The following EPS15 variants were observed in gnomAD, a reference collection of about 807,000 sequenced individuals.
The protein encoded by EPS15 is epidermal growth factor receptor substrate 15.
A neutral mutation model predicts 113.8 loss-of-function variants in EPS15; 72 were observed. The ratio of observed to expected loss-of-function variants is 0.63; its 90% CI spans 0.52 to 0.77. EPS15 has a LOEUF of 0.77. Among genes scored for constraint, EPS15 ranks in the 30% least tolerant of loss-of-function variants. The pLI, the probability that EPS15 is intolerant of heterozygous loss-of-function variation, is 0.00. For missense variants in EPS15, 1,048 were observed against 1,045.8 expected (o/e 1.00, Z -0.03); for synonymous variants, 344 against 363.4 (o/e 0.95, Z 0.61).
chr1:51,373,583 G>C (rs1209760586), intron 21 of EPS15, among the ~76,000 whole-genome samples: 1 of 152,208 alleles, frequency 6.6e-6, no homozygotes, highest in Non-Finnish European at 1.5e-5. Flanking sequence ...CGAATTTCAT[G>C]TGTTCTCTGC....
At chr1:51,446,869 T>C in intron 10 of EPS15, 91 bp downstream of exon 10, 1 of 1,063,188 alleles carries the variant, frequency 9.4e-7, no homozygotes, top group Non-Finnish European at 1.4e-6. Context: ...ACAAAAACTG[T>C]CCTATTTACA....
intron 24 of EPS15, among the ~76,000 whole-genome samples, chr1:51,360,008 T>G (rs2148342133): frequency 6.6e-6 from 1 of 152,084 alleles, no homozygotes; most frequent in East Asian, 1.9e-4. Flanking sequence ...GCCCCCCAAG[T>G]AGCTGGGACT....
At position 51,440,338 on chromosome 1, in the gene EPS15, T is replaced by G; in HGVS notation, c.1040+9A>C. 1 of 1,439,636 alleles carries G rather than the reference T, an allele frequency of 6.9e-7. No individual in the cohort carries two copies. The highest frequency in any genetic ancestry group is 9.6e-7 in the Non-Finnish European group (1 of 1,037,088). The allele number at this position is 1,439,636 out of a possible 1,614,324, so 89.2% of individuals were successfully genotyped here. On this transcript the variant is annotated intron_variant, in intron 12 of 24. Transcript: ENST00000371733. The stretch of plus-strand genomic sequence containing the variant: ...GTATGTGAGTAGGCTGTAATTTTGC[T>G]TTACATACCTCTGTAGGTCAACTAT...
chr1:51,399,724 TG>T (rs1214975553), intron 19 of EPS15, among the ~76,000 whole-genome samples: 7 of 152,026 alleles, frequency 4.6e-5, no homozygotes, highest in Admixed American at 3.3e-4. Context: ...CCAGGCGTGG[TG>T]GTGCGCGCCC....
chr1:51,436,371 TAAA>T (rs1652151883), intron 12 of EPS15, among the ~76,000 whole-genome samples: 1 of 151,810 alleles, frequency 6.6e-6, no homozygotes, highest in Non-Finnish European at 1.5e-5. Flanking sequence ...ATGATCCAGA[TAAA>T]AGACAAAGGC....
At position 51,361,219 on chromosome 1, in the gene EPS15, G is replaced by A. The variant is rs538305506; in HGVS notation, c.2496C>T (p.Thr832=). 6.2e-6 allele frequency: 10 copies of A among 1,613,972 alleles called. No individual in the cohort carries two copies. In the African/African-American group the frequency reaches 1.2e-4, roughly 19 times the overall value. ...TTGGATCAGCCTCTTTATTGGTAGT[G>A]GTAGTAGCAGAAGTGAATGGATCAC... The part of the protein sequence containing the change: ...IFCDPFTSAT[T]TTNKEADPSN... Residue 832 remains threonine (T), a synonymous_variant, in exon 24 of 25, where the codon ACC becomes ACT. Transcript: ENST00000371733.
intron 21 of EPS15, among the ~76,000 whole-genome samples, chr1:51,391,117 T>C (rs557284253): frequency 8.5e-5 from 13 of 152,296 alleles, no homozygotes; most frequent in African/African-American, 3.1e-4. Context: ...ATATACACCA[T>C]GGAATACTAT....
At chr1:51,397,723 A>T (rs1004472458) in intron 20 of EPS15, among the ~76,000 whole-genome samples, 5 of 152,260 alleles carry the variant, frequency 3.3e-5, no homozygotes, top group Middle Eastern at 3.2e-3. Flanking sequence ...GAATACAAAA[A>T]AGAAGCAACT....
chr1:51,447,181 A>G, intron 9 of EPS15, 76 bp from the exon 10 acceptor site: 2 of 1,297,352 alleles, frequency 1.5e-6, no homozygotes, highest in Non-Finnish European at 2.1e-6. Context: ...AATCCATTAC[A>G]ATATCCATCA....
chr1:51,372,771 G>A, intron 21 of EPS15: 1 of 419,016 alleles, frequency 2.4e-6, no homozygotes, highest in Non-Finnish European at 4.5e-6. Flanking sequence ...GGCAGCTGGA[G>A]CTGAACACTT....
intron 1 of EPS15, among the ~76,000 whole-genome samples, chr1:51,488,846 A>T (rs1429073480): frequency 6.6e-6 from 1 of 152,212 alleles, no homozygotes; most frequent in Non-Finnish European, 1.5e-5. Flanking sequence ...CAATGGAATG[A>T]TAAAAGAAAT....
chr1:51,477,396 A>G (rs1301973972), intron 2 of EPS15, among the ~76,000 whole-genome samples: 1 of 152,078 alleles, frequency 6.6e-6, no homozygotes, highest in Non-Finnish European at 1.5e-5. Flanking sequence ...GATCTTTTCA[A>G]AAAACCAGCT....
In EPS15 at chr1:51,355,335, A is replaced by T. The variant is rs1646196165; in HGVS notation, c.*1365T>A. On this transcript the variant is annotated 3_prime_UTR_variant, in exon 25 of 25. Transcript: ENST00000371733. ...TTGACTTGTTGACCCAGAGAATTCT[A>T]ATTAGATTTTAGGTGCATTTTTCTT... is the stretch of plus-strand genomic sequence containing the variant. 4.7e-6 allele frequency: 1 copy of T among 213,350 alleles called. No homozygotes were observed. The highest frequency in any genetic ancestry group is 7.0e-5 in the East Asian group (1 of 14,192). The allele number at this position is 213,350 out of a possible 1,614,324, so 13.2% of individuals were successfully genotyped here.
At chr1:51,439,418 T>G (rs1392425717) in intron 12 of EPS15, among the ~76,000 whole-genome samples, 1 of 152,044 alleles carries the variant, frequency 6.6e-6, no homozygotes, top group African/African-American at 2.4e-5. Context: ...TCTCCTTATA[T>G]CTCAATACTG....
intron 1 of EPS15, among the ~76,000 whole-genome samples, chr1:51,502,751 TCA>T (rs1644434444): frequency 2.6e-5 from 4 of 152,266 alleles, no homozygotes; most frequent in African/African-American, 9.6e-5. Flanking sequence ...ACGCCTGTAA[TCA>T]CAGCACTTTG....
intron 13 of EPS15, among the ~76,000 whole-genome samples, chr1:51,414,745 G>C (rs1253078279): frequency 2.0e-5 from 3 of 151,798 alleles, no homozygotes; most frequent in East Asian, 1.9e-4. Context: ...TGTAAATCCA[G>C]GGACAAAAAA....
intron 1 of EPS15, among the ~76,000 whole-genome samples, chr1:51,483,878 T>C (rs55868733): frequency 0.031 from 4,744 of 151,812 alleles, 85 homozygotes; most frequent in African/African-American, 0.054. Flanking sequence ...TGGGAAGCTA[T>C]TGGGGGAGGA....
chr1:51,435,262 C>T (rs939829382), intron 12 of EPS15, among the ~76,000 whole-genome samples: 10 of 151,954 alleles, frequency 6.6e-5, no homozygotes, highest in Non-Finnish European at 1.2e-4. Flanking sequence ...TGAGTGATCT[C>T]GGCTCACTGC....
intron 8 of EPS15, among the ~76,000 whole-genome samples, chr1:51,451,112 A>G (rs1653507596): frequency 6.6e-6 from 1 of 151,934 alleles, no homozygotes; most frequent in South Asian, 2.1e-4. Flanking sequence ...GAAAAAGTAT[A>G]GTGTTGAACA....
Sources: allele counts gnomAD v4.1 joint callset (sites outside exome capture counted in the v4.1 genomes callset), GRCh38; gene constraint gnomAD v4.1.1; transcripts MANE v1.5; gene names NCBI Gene and HGNC (gene_info 2026-07-23, HGNC 2026-07-21).